The following SULT1C2 variants were observed in gnomAD, a reference collection of about 807,000 sequenced individuals.
SULT1C2 encodes sulfotransferase 1C2.
Under a neutral mutation model 36.0 loss-of-function variants are expected in SULT1C2, and 27 were observed. The ratio of observed to expected loss-of-function variants is 0.75; its 90% CI spans 0.55 to 1.03. The LOEUF is 1.03. Among genes scored for constraint, SULT1C2 ranks in the 50% least tolerant of loss-of-function variants. The pLI, the probability that SULT1C2 is intolerant of heterozygous loss-of-function variation, is 0.00. For missense variants in SULT1C2, 395 were observed against 359.2 expected (o/e 1.10, Z -0.80); for synonymous variants, 121 against 116.0 (o/e 1.04, Z -0.27).
Position 108,308,722 on chromosome 2 carries a change from G to A in SULT1C2, c.*258G>A, listed in dbSNP as rs1677083295. 1.5e-5 allele frequency: 6 copies of A among 388,560 alleles called. No homozygotes were observed. The highest frequency in any genetic ancestry group is 2.7e-5 in the Non-Finnish European group (6 of 218,220). 24.1% of individuals were successfully genotyped at this position (388,560 alleles called of 1,614,324 possible). ...AAACTAAGTAAAACGTATGACTTGA[G>A]TACAAAAGGATTGTTTTAATCCCCA... On this transcript the variant is annotated 3_prime_UTR_variant, in exon 8 of 8. Transcript: ENST00000251481.
chr2:108,295,213 G>T (rs1241389234), intron 3 of SULT1C2, among the ~76,000 whole-genome samples: 4 of 152,240 alleles, frequency 2.6e-5, no homozygotes, highest in African/African-American at 9.6e-5. Flanking sequence ...AGTCAGAATA[G>T]CCTTAAAGGA....
chr2:108,305,145 C>T (rs1223515393), intron 5 of SULT1C2, 27 bp from the exon 6 acceptor site: 1 of 1,613,014 alleles, frequency 6.2e-7, no homozygotes, highest in East Asian at 2.2e-5. Context: ...CCTATGTAGA[C>T]TATTCTGTTT....
rs760294087 is a variant in SULT1C2, at chr2:108,305,189, T to A, written c.520T>A (p.Phe174Ile). Residue 174 changes from phenylalanine (F) to isoleucine (I), a missense_variant, in exon 6 of 8, where the codon TTT becomes ATT. Phe to Ile is a conservative substitution (Grantham distance 21). Transcript: ENST00000251481. Reference protein sequence around the residue: ...INGKVVWGSWFDHVKGWWEMK... With the variant: ...INGKVVWGSWIDHVKGWWEMK... Reference sequence around the variant, plus strand: ...TATTTCAGTGGTTTGGGGTTCCTGGTTTGACCACGTGAAAGGATGGTGGGA... The same window carrying A: ...TATTTCAGTGGTTTGGGGTTCCTGGATTGACCACGTGAAAGGATGGTGGGA... The A allele has an allele frequency of 6.2e-7, 1 of 1,614,208 alleles. No homozygotes were observed. The highest frequency in any genetic ancestry group is 1.7e-5 in the Admixed American group (1 of 60,024).
At chr2:108,294,654 T>C (rs1364921995) in intron 3 of SULT1C2, among the ~76,000 whole-genome samples, 4 of 152,182 alleles carry the variant, frequency 2.6e-5, no homozygotes, top group Non-Finnish European at 5.9e-5. Flanking sequence ...CATGTGCAAC[T>C]GTAGATCACA....
chr2:108,292,235 C>T (rs1368327241), intron 1 of SULT1C2, among the ~76,000 whole-genome samples: 3 of 152,070 alleles, frequency 2.0e-5, no homozygotes, highest in Non-Finnish European at 4.4e-5. Context: ...TTGACGTGTT[C>T]GATAAATGTT....
Position 108,293,179 on chromosome 2 carries a change from C to CAAAAAA in SULT1C2, c.-21-449_-21-444dup, listed in dbSNP as rs397869118. Among the ~76,000 whole-genome samples the CAAAAAA allele has an allele frequency of 5.4e-3, 292 of 54,058 alleles. 8 individuals carry two copies. The highest frequency in any genetic ancestry group is 0.042 in the East Asian group (71 of 1,680). The allele number at this position is 54,058 out of a possible 152,430, so 35.5% of individuals were successfully genotyped here. A position where few individuals can be genotyped will look rare whatever the true frequency, so the allele number is the denominator to read the frequency against. On this transcript the variant is annotated intron_variant, in intron 1 of 7. Coordinates refer to ENST00000251481, the MANE Select transcript of SULT1C2 (RefSeq NM_001056.4). ...GGATAAACAGAGTGAGACTCTGTCT[C>CAAAAAA]AAAAAAAAAAAAAAAAAAAAAAAAG...
At chr2:108,297,524 T>C (rs1163743397) in intron 3 of SULT1C2, among the ~76,000 whole-genome samples, 1 of 152,168 alleles carries the variant, frequency 6.6e-6, no homozygotes, top group East Asian at 1.9e-4. Context: ...AATGACCCCG[T>C]TTGCCCCCTT....
intron 4 of SULT1C2, chr2:108,301,355 G>C (rs1282899167): frequency 6.4e-6 from 1 of 155,888 alleles, no homozygotes; most frequent in Non-Finnish European, 1.4e-5. Flanking sequence ...ACTTTGGGAG[G>C]CCGAGGCGGG....
In SULT1C2 at chr2:108,293,179, C is replaced by CAAAAAAA. The variant is rs397869118; in HGVS notation, c.-21-450_-21-444dup. ...GGATAAACAGAGTGAGACTCTGTCT[C>CAAAAAAA]AAAAAAAAAAAAAAAAAAAAAAAAG... On this transcript the variant is annotated intron_variant, in intron 1 of 7. Coordinates refer to ENST00000251481, the MANE Select transcript of SULT1C2 (RefSeq NM_001056.4). Among the ~76,000 whole-genome samples, 41 of 54,060 alleles carry CAAAAAAA rather than the reference C, an allele frequency of 7.6e-4. 1 individual carries two copies. The East Asian group carries it at 8.3e-3, about 11-fold the overall frequency. The allele number at this position is 54,060 out of a possible 152,430, so 35.5% of individuals were successfully genotyped here. A position where few individuals can be genotyped will look rare whatever the true frequency, so the allele number is the denominator to read the frequency against.
chr2:108,294,933 A>C (rs1026044438), intron 3 of SULT1C2, among the ~76,000 whole-genome samples: 10 of 152,244 alleles, frequency 6.6e-5, no homozygotes, highest in Non-Finnish European at 7.3e-5. Flanking sequence ...TATTTCAGGT[A>C]ACTGGAGCTG....
intron 1 of SULT1C2, among the ~76,000 whole-genome samples, chr2:108,293,179 CAAAAAAA>C (rs397869118): frequency 1.5e-4 from 8 of 54,078 alleles, no homozygotes; most frequent in Admixed American, 5.1e-4. Context: ...GACTCTGTCT[CAAAAAAA>C]AAAAAAAAAA....
intron 3 of SULT1C2, among the ~76,000 whole-genome samples, chr2:108,297,128 A>C (rs1443023770): frequency 6.6e-6 from 1 of 152,240 alleles, no homozygotes; most frequent in South Asian, 2.1e-4. Flanking sequence ...ACTTAGTTTC[A>C]GCAAACATCT....
Position 108,308,722 on chromosome 2 carries a change from G to C in SULT1C2, c.*258G>C, listed in dbSNP as rs1677083295. On this transcript the variant is annotated 3_prime_UTR_variant, in exon 8 of 8. Transcript: ENST00000251481. ...AAACTAAGTAAAACGTATGACTTGA[G>C]TACAAAAGGATTGTTTTAATCCCCA... 2.6e-6 allele frequency: 1 copy of C among 388,560 alleles called. No individual in the cohort carries two copies. The highest frequency in any genetic ancestry group is 4.2e-5 in the Admixed American group (1 of 23,978). The allele number at this position is 388,560 out of a possible 1,614,324, so 24.1% of individuals were successfully genotyped here.
chr2:108,305,710 A>C, intron 7 of SULT1C2, 115 bp downstream of exon 7: 7 of 1,283,926 alleles, frequency 5.5e-6, no homozygotes, highest in Non-Finnish European at 4.4e-6. Context: ...ACTATTCCTA[A>C]TATGTGTTTC....
chr2:108,290,489 G>C (rs1055355468), intron 1 of SULT1C2, among the ~76,000 whole-genome samples: 4 of 152,168 alleles, frequency 2.6e-5, no homozygotes, highest in Non-Finnish European at 5.9e-5. Context: ...ATTTTATGTT[G>C]CTATAACAAA....
chr2:108,293,311 TA>T (rs1414743938), intron 1 of SULT1C2, among the ~76,000 whole-genome samples: 1 of 151,144 alleles, frequency 6.6e-6, no homozygotes, highest in East Asian at 2.0e-4. Flanking sequence ...CAATTAAGCA[TA>T]AGATTAAGCT....
At chr2:108,293,937 G>T in intron 2 of SULT1C2, 119 bp downstream of exon 2, 1 of 1,437,700 alleles carries the variant, frequency 7.0e-7, no homozygotes, top group Non-Finnish European at 9.2e-7. Flanking sequence ...AATGGGTTTT[G>T]GAGCTCAGGG....
chr2:108,306,230 G>T lies in SULT1C2; in HGVS notation c.778+635G>T, dbSNP rs6755590. On this transcript the variant is annotated intron_variant, in intron 7 of 7. Coordinates refer to ENST00000251481, the MANE Select transcript of SULT1C2 (RefSeq NM_001056.4). ...TTCTTAGTTCCAATTCCCAAAGGAG[G>T]AATTCTAACTGGCCCATCTAATATT... is the stretch of plus-strand genomic sequence containing the variant. Among the ~76,000 whole-genome samples the T allele has an allele frequency of 1.5e-3, 234 of 152,268 alleles. 1 individual carries two copies. The highest frequency in any genetic ancestry group is 2.7e-3 in the Non-Finnish European group (183 of 68,018).
intron 3 of SULT1C2, 56 bp from the exon 4 acceptor site, chr2:108,300,782 A>G (rs768953567): frequency 3.7e-6 from 6 of 1,608,578 alleles, no homozygotes; most frequent in African/African-American, 2.7e-5. Context: ...CTGGATCATG[A>G]GGTCCCCATG....
Sources: allele counts gnomAD v4.1 joint callset (sites outside exome capture counted in the v4.1 genomes callset), GRCh38; gene constraint gnomAD v4.1.1; transcripts MANE v1.5; gene names NCBI Gene and HGNC (gene_info 2026-07-23, HGNC 2026-07-21).